CDH10: variants seen among roughly 807,000 people sequenced by gnomAD.
CDH10 encodes cadherin-10.
A neutral mutation model predicts 73.1 loss-of-function variants in CDH10; 30 were observed. The observed-to-expected ratio is 0.41, with a 90% confidence interval of 0.31 to 0.56. The LOEUF is 0.56. Ranked by LOEUF, CDH10 falls within the 20% of genes least tolerant of loss-of-function variation. The pLI, the probability that CDH10 is intolerant of heterozygous loss-of-function variation, is 0.27. For missense variants in CDH10, 815 were observed against 973.7 expected (o/e 0.84, Z 2.17); for synonymous variants, 345 against 348.2 (o/e 0.99, Z 0.10).
chr5:24,596,880 A>G (rs1056759729), intron 1 of CDH10, among the ~76,000 whole-genome samples: 5 of 152,078 alleles, frequency 3.3e-5, no homozygotes, highest in Non-Finnish European at 7.4e-5. Flanking sequence ...ATGAGAAATA[A>G]AAGCTAAATT....
chr5:24,530,320 CT>C (rs1355714483), intron 5 of CDH10, among the ~76,000 whole-genome samples: 1 of 151,814 alleles, frequency 6.6e-6, no homozygotes, highest in Non-Finnish European at 1.5e-5. Context: ...TTTGTAAAAC[CT>C]TTTGGAAACA....
intron 1 of CDH10, among the ~76,000 whole-genome samples, chr5:24,642,997 G>T (rs929486420): frequency 2.7e-5 from 4 of 146,220 alleles, no homozygotes; most frequent in African/African-American, 7.5e-5. Context: ...AAAAGTGAAA[G>T]AAGTATTTCT....
At chr5:24,560,746 A>T (rs1054977317) in intron 2 of CDH10, among the ~76,000 whole-genome samples, 1 of 152,108 alleles carries the variant, frequency 6.6e-6, no homozygotes, top group South Asian at 2.1e-4. Flanking sequence ...TTGTCAGTGT[A>T]TTTTTAGACC....
At chr5:24,513,489 C>T (rs1742995273) in intron 5 of CDH10, among the ~76,000 whole-genome samples, 1 of 152,130 alleles carries the variant, frequency 6.6e-6, no homozygotes, top group South Asian at 2.1e-4. Context: ...CCAGCAGACA[C>T]CTTGTTCTCA....
At chr5:24,544,272 G>A (rs1744260359) in intron 2 of CDH10, among the ~76,000 whole-genome samples, 1 of 152,038 alleles carries the variant, frequency 6.6e-6, no homozygotes, top group Non-Finnish European at 1.5e-5. Flanking sequence ...CCAGCCTGGA[G>A]ACAGTGCAAG....
At chr5:24,640,838 A>G (rs1315084452) in intron 1 of CDH10, among the ~76,000 whole-genome samples, 1 of 151,986 alleles carries the variant, frequency 6.6e-6, no homozygotes, top group African/African-American at 2.4e-5. Flanking sequence ...ATTGCCAGAA[A>G]GAAATCAGAT....
At chr5:24,644,450 G>A (rs1255368567) in intron 1 of CDH10, 144 bp downstream of exon 1, 3 of 151,902 alleles carry the variant, frequency 2.0e-5, no homozygotes, top group African/African-American at 7.3e-5. Context: ...GCTTATTTAA[G>A]TATTAAAGAT....
At chr5:24,605,273 C>T (rs553981707) in intron 1 of CDH10, among the ~76,000 whole-genome samples, 4 of 152,278 alleles carry the variant, frequency 2.6e-5, no homozygotes, top group East Asian at 3.9e-4. Flanking sequence ...TGTTAGGAAC[C>T]GGGCCACACA....
intron 1 of CDH10, among the ~76,000 whole-genome samples, chr5:24,619,395 G>A (rs570982165): frequency 2.0e-5 from 3 of 152,084 alleles, no homozygotes; most frequent in African/African-American, 4.8e-5. Flanking sequence ...AGGTTTCACC[G>A]TGTTAGCCAG....
rs1284632014 is a variant in CDH10 at position 24,612,760 on chromosome 5, G to A, written c.-123-19147C>T. On this transcript the variant is annotated intron_variant, in intron 1 of 11. Coordinates refer to ENST00000264463, the MANE Select transcript of CDH10 (RefSeq NM_006727.5). ...TTGTTTCATTTGTTCACATTTACTG[G>A]TGTGCTCCTATTTAATCAATACAGT... 2.6e-5 allele frequency: 4 copies of A among 152,072 alleles called. No individual in the cohort carries two copies. In the East Asian group the frequency reaches 7.7e-4, roughly 29 times the overall value. The allele number at this position is 152,072 out of a possible 1,614,324, so 9.4% of individuals were successfully genotyped here. A position where few individuals can be genotyped will look rare whatever the true frequency, so the allele number is the denominator to read the frequency against.
At chr5:24,612,087 T>C (rs1261204781) in intron 1 of CDH10, 3 of 152,284 alleles carry the variant, frequency 2.0e-5, no homozygotes, top group Non-Finnish European at 2.9e-5. Flanking sequence ...ATGTAGGTTG[T>C]TTTAAAGAGC....
chr5:24,553,753 C>T (rs2111961101), intron 2 of CDH10, among the ~76,000 whole-genome samples: 1 of 152,174 alleles, frequency 6.6e-6, no homozygotes, highest in Non-Finnish European at 1.5e-5. Flanking sequence ...CCTATTGAAT[C>T]CCCATCAAGA....
rs1208022092 is a variant in CDH10, at chr5:24,535,651, T to C, written c.646+52A>G. On this transcript the variant is annotated intron_variant, in intron 4 of 11. Coordinates refer to ENST00000264463, the MANE Select transcript of CDH10 (RefSeq NM_006727.5). ...TATTCTCCCATGGTCTTTCTACTGATAAAGGTCATAAAGATGATCAAATGA... is the reference window on the plus strand; with the variant it reads ...TATTCTCCCATGGTCTTTCTACTGACAAAGGTCATAAAGATGATCAAATGA... 6 of 1,538,810 alleles carry C rather than the reference T, an allele frequency of 3.9e-6. No individual in the cohort carries two copies. The East Asian group carries it at 1.4e-4, about 35-fold the overall frequency.
At chr5:24,587,483 C>T (rs1449182371) in intron 2 of CDH10, among the ~76,000 whole-genome samples, 3 of 152,116 alleles carry the variant, frequency 2.0e-5, no homozygotes, top group Non-Finnish European at 4.4e-5. Context: ...AATAACCATG[C>T]TTCATTGCCA....
chr5:24,487,964 T>A lies in CDH10; in HGVS notation c.2066A>T (p.Asp689Val). The A allele has an allele frequency of 5.0e-6, 8 of 1,613,948 alleles. No individual in the cohort carries two copies. The highest frequency in any genetic ancestry group is 6.8e-6 in the Non-Finnish European group (8 of 1,179,952). ...AATAAATAACGTTTCTGGAATAATA[T>A]CTCGCCGGAGCTTTTTTTCCTCAAT... The part of the protein sequence containing the change: ...AAIEEKKLRR[D>V]IIPETLFIPR... The change falls in exon 12 of 12, where the codon GAT becomes GTT. Residue 689 changes from aspartate (D) to valine (V), a missense_variant. Physicochemically the swap from Asp to Val is radical, Grantham distance 152. Coordinates refer to ENST00000264463, the MANE Select transcript of CDH10 (RefSeq NM_006727.5).
chr5:24,500,228 TTACTCCAATATTAAAA>T (rs1742440917), intron 8 of CDH10, among the ~76,000 whole-genome samples: 1 of 152,220 alleles, frequency 6.6e-6, no homozygotes, highest in African/African-American at 2.4e-5. Flanking sequence ...TAATTGAATG[TTACTCCAATATTAAAA>T]TCAGCACTTT....
At chr5:24,611,524 ATAGT>A (rs1230730363) in intron 1 of CDH10, among the ~76,000 whole-genome samples, 1 of 152,182 alleles carries the variant, frequency 6.6e-6, no homozygotes, top group Non-Finnish European at 1.5e-5. Flanking sequence ...ATCGAAAAAT[ATAGT>A]TATAGTGAGA....
chr5:24,545,154 G>A (rs576466522), intron 2 of CDH10, among the ~76,000 whole-genome samples: 6 of 152,170 alleles, frequency 3.9e-5, no homozygotes, highest in African/African-American at 1.2e-4. Flanking sequence ...TAGAAGCCAG[G>A]ACTCTTCTTA....
chr5:24,542,006 A>C (rs941721969), intron 2 of CDH10, among the ~76,000 whole-genome samples: 2 of 152,136 alleles, frequency 1.3e-5, no homozygotes, highest in African/African-American at 4.8e-5. Flanking sequence ...TTTACAACTA[A>C]ATGATAGATT....
Sources: allele counts gnomAD v4.1 joint callset (sites outside exome capture counted in the v4.1 genomes callset), GRCh38; gene constraint gnomAD v4.1.1; transcripts MANE v1.5; gene names NCBI Gene and HGNC (gene_info 2026-07-23, HGNC 2026-07-21).